Variants in KIAA1328 observed in about 807,000 individuals in gnomAD.
KIAA1328 encodes the protein protein hinderin.
In KIAA1328, 52 loss-of-function variants were observed where a neutral mutation model predicts 68.1. The ratio of observed to expected loss-of-function variants is 0.76; its 90% CI spans 0.61 to 0.96. The LOEUF (loss-of-function observed/expected upper bound fraction) is 0.96. Ranked by LOEUF, KIAA1328 falls within the 40% of genes least tolerant of loss-of-function variation. The probability of loss-of-function intolerance (pLI) is 0.00; values close to 1 mark genes in which losing one functional copy is unlikely to be tolerated. For missense variants in KIAA1328, 641 were observed against 677.6 expected (o/e 0.95, Z 0.60); for synonymous variants, 232 against 239.4 (o/e 0.97, Z 0.28).
intron 5 of KIAA1328, among the ~76,000 whole-genome samples, chr18:36,943,900 T>C (rs1479103155): frequency 6.6e-6 from 1 of 152,218 alleles, no homozygotes; most frequent in Non-Finnish European, 1.5e-5. Context: ...AATTTCATGT[T>C]TCCTTAAAAT....
chr18:36,960,333 C>G (rs1361754043), intron 6 of KIAA1328, among the ~76,000 whole-genome samples: 1 of 152,240 alleles, frequency 6.6e-6, no homozygotes, highest in Non-Finnish European at 1.5e-5. Context: ...CCCACCGCAG[C>G]TCAGCAAGGC....
chr18:36,862,372 C>G lies in KIAA1328; in HGVS notation c.332+18070C>G, dbSNP rs148457823. The stretch of plus-strand genomic sequence containing the variant: ...ATACTTTCTTTCCTATCTGCCTTCT[C>G]TAATTTCTTGGAACCACTAATCAGC... On this transcript the variant is annotated intron_variant, in intron 4 of 9. Coordinates refer to ENST00000280020, the MANE Select transcript of KIAA1328 (RefSeq NM_020776.3). Among the ~76,000 whole-genome samples, 1,049 of 152,292 alleles carry G rather than the reference C, an allele frequency of 6.9e-3. 11 individuals are homozygous for G. The highest frequency in any genetic ancestry group is 0.012 in the Non-Finnish European group (834 of 68,018).
At chr18:36,987,834 G>GT (rs568929979) in intron 6 of KIAA1328, among the ~76,000 whole-genome samples, 167 of 149,630 alleles carry the variant, frequency 1.1e-3, no homozygotes, top group African/African-American at 3.8e-3. Context: ...GTTTTTTTTT[G>GT]TTTTTGTTTT....
At chr18:36,903,756 GTTAT>G (rs1261737632) in intron 5 of KIAA1328, 1 of 152,104 alleles carries the variant, frequency 6.6e-6, no homozygotes, top group Admixed American at 6.6e-5. Flanking sequence ...TTCAAAAAGT[GTTAT>G]TTATTTTCTG....
chr18:36,965,390 G>A (rs189871848), intron 6 of KIAA1328, among the ~76,000 whole-genome samples: 1 of 151,476 alleles, frequency 6.6e-6, no homozygotes, highest in East Asian at 2.0e-4. Context: ...GTCTGTTGTT[G>A]GTTGTTATCA....
rs185047394 is a variant in KIAA1328, at chr18:37,185,037, G to A, written c.1523+11956G>A. Among the ~76,000 whole-genome samples the A allele has an allele frequency of 7.0e-3, 1,059 of 152,080 alleles. 7 individuals carry two copies. The highest frequency in any genetic ancestry group is 0.021 in the Middle Eastern group (6 of 290). ...AAAAATTAGCTGGGCGTGGTGGCGG[G>A]TACCTGTAGTCTCAGCTACTTGGGA... On this transcript the variant is annotated intron_variant, in intron 9 of 9. Coordinates refer to ENST00000280020, the MANE Select transcript of KIAA1328 (RefSeq NM_020776.3).
intron 7 of KIAA1328, among the ~76,000 whole-genome samples, chr18:37,079,027 A>T (rs1397724059): frequency 1.3e-5 from 2 of 151,636 alleles, no homozygotes; most frequent in Non-Finnish European, 2.9e-5. Flanking sequence ...AGACACATGC[A>T]CACGTATGTT....
chr18:37,181,260 A>T (rs2059693694), intron 9 of KIAA1328, among the ~76,000 whole-genome samples: 1 of 152,176 alleles, frequency 6.6e-6, no homozygotes, highest in Non-Finnish European at 1.5e-5. Flanking sequence ...AACTTCAGAA[A>T]ATAATGTATT....
intron 9 of KIAA1328, among the ~76,000 whole-genome samples, chr18:37,213,330 G>C (rs932682708): frequency 6.6e-6 from 1 of 152,086 alleles, no homozygotes; most frequent in African/African-American, 2.4e-5. Flanking sequence ...CCGAGTGTGT[G>C]ATGTTCCCCG....
chr18:37,074,468 A>G (rs1015836295), intron 7 of KIAA1328, among the ~76,000 whole-genome samples: 3 of 152,044 alleles, frequency 2.0e-5, no homozygotes, highest in African/African-American at 7.2e-5. Context: ...ACAGTCCCAT[A>G]TTTCTTGGAG....
At chr18:36,938,419 T>G (rs556973591) in intron 5 of KIAA1328, among the ~76,000 whole-genome samples, 1 of 152,266 alleles carries the variant, frequency 6.6e-6, no homozygotes, top group East Asian at 1.9e-4. Flanking sequence ...AAAGTCTATT[T>G]AGGTCCTTTG....
At chr18:37,215,790 G>T (rs773819029) in intron 9 of KIAA1328, among the ~76,000 whole-genome samples, 10 of 152,022 alleles carry the variant, frequency 6.6e-5, no homozygotes, top group Non-Finnish European at 1.5e-4. Flanking sequence ...GACTTTTTTT[G>T]GTTGGTAGGC....
At chr18:36,854,480 T>G (rs2047320217) in intron 4 of KIAA1328, among the ~76,000 whole-genome samples, 3 of 152,228 alleles carry the variant, frequency 2.0e-5, no homozygotes, top group Admixed American at 2.0e-4. Flanking sequence ...TAGTTACCTT[T>G]ACCAGTTTTC....
intron 9 of KIAA1328, among the ~76,000 whole-genome samples, chr18:37,202,768 A>C (rs2060138562): frequency 6.6e-6 from 1 of 152,156 alleles, no homozygotes; most frequent in Non-Finnish European, 1.5e-5. Context: ...AATATGACTC[A>C]AGGTTAAACA....
At chr18:37,086,913 T>C (rs1171793368) in intron 7 of KIAA1328, among the ~76,000 whole-genome samples, 2 of 152,222 alleles carry the variant, frequency 1.3e-5, no homozygotes, top group Non-Finnish European at 2.9e-5. Flanking sequence ...GCAGAATCTT[T>C]TAACTGGCAA....
chr18:37,158,268 GC>G (rs2059200568), intron 7 of KIAA1328, among the ~76,000 whole-genome samples: 1 of 152,070 alleles, frequency 6.6e-6, no homozygotes, highest in African/African-American at 2.4e-5. Context: ...CAAATTTCTG[GC>G]CTCAGGTGTG....
chr18:37,055,744 C>G (rs1053021959), intron 6 of KIAA1328, among the ~76,000 whole-genome samples: 2 of 152,158 alleles, frequency 1.3e-5, no homozygotes, highest in African/African-American at 4.8e-5. Flanking sequence ...GAAATACTGA[C>G]TTCTCAATAG....
chr18:36,911,688 G>T (rs749865807), intron 5 of KIAA1328, among the ~76,000 whole-genome samples: 10 of 152,156 alleles, frequency 6.6e-5, no homozygotes, highest in Non-Finnish European at 1.5e-4. Flanking sequence ...GACCTACTTA[G>T]ATTCAACGCA....
In KIAA1328 at chr18:37,222,485, A is replaced by G; in HGVS notation, c.*258A>G. 7.8e-7 allele frequency: 1 copy of G among 1,286,936 alleles called. No homozygotes were observed. Among genetic ancestry groups the G allele is most frequent in the Non-Finnish European group, 9.9e-7 (1 of 1,012,386 alleles). 79.7% of individuals were successfully genotyped at this position (1,286,936 alleles called of 1,614,324 possible). A position where few individuals can be genotyped will look rare whatever the true frequency, so the allele number is the denominator to read the frequency against. ...ATGCTAAACAGATTAGAAAATTAAC[A>G]TAGGATACTTTCTGCGTGGTGGAAA... On this transcript the variant is annotated 3_prime_UTR_variant, in exon 10 of 10. Coordinates refer to ENST00000280020, the MANE Select transcript of KIAA1328 (RefSeq NM_020776.3).
Sources: allele counts gnomAD v4.1 joint callset (sites outside exome capture counted in the v4.1 genomes callset), GRCh38; gene constraint gnomAD v4.1.1; transcripts MANE v1.5; gene names NCBI Gene and HGNC (gene_info 2026-07-23, HGNC 2026-07-21).